Variants in CDH12 observed in about 807,000 individuals in gnomAD.
The protein encoded by CDH12 is cadherin 12.
In CDH12, 41 loss-of-function variants were observed where a neutral mutation model predicts 74.1. That is an observed-to-expected ratio of 0.55 (90% confidence interval 0.43 to 0.72). The LOEUF (loss-of-function observed/expected upper bound fraction) is 0.72, where lower values mean the gene tolerates loss of function less well. Ranked by LOEUF, CDH12 falls within the 30% of genes least tolerant of loss-of-function variation. CDH12 has a pLI of 0.00. For synonymous variants in CDH12, 399 were observed against 355.0 expected (o/e 1.12, Z -1.39); for missense variants, 945 against 977.2 (o/e 0.97, Z 0.44).
At chr5:21,872,820 ATCT>A (rs1478946135) in intron 6 of CDH12, among the ~76,000 whole-genome samples, 2 of 151,412 alleles carry the variant, frequency 1.3e-5, no homozygotes, top group Non-Finnish European at 2.9e-5. Context: ...CTATCTATCT[ATCT>A]ATCTATCTAT....
chr5:22,302,364 A>ATATAT (rs1737921832), intron 3 of CDH12, among the ~76,000 whole-genome samples: 6 of 152,168 alleles, frequency 3.9e-5, no homozygotes, highest in Admixed American at 2.6e-4. Flanking sequence ...ATGTATATAT[A>ATATAT]AGTGTGATAA....
At chr5:22,133,747 G>C (rs938884762) in intron 4 of CDH12, among the ~76,000 whole-genome samples, 1 of 152,008 alleles carries the variant, frequency 6.6e-6, no homozygotes, top group African/African-American at 2.4e-5. Context: ...ACATAATTAC[G>C]TGTACATATA....
At chr5:22,400,488 T>A (rs1742683300) in intron 3 of CDH12, among the ~76,000 whole-genome samples, 2 of 151,892 alleles carry the variant, frequency 1.3e-5, no homozygotes, top group African/African-American at 4.8e-5. Context: ...AGAAAGCAGG[T>A]TTCACCACGT....
At chr5:22,627,055 A>G (rs893221607) in intron 1 of CDH12, among the ~76,000 whole-genome samples, 8 of 152,308 alleles carry the variant, frequency 5.3e-5, no homozygotes, top group African/African-American at 1.9e-4. Context: ...AAAACGAACA[A>G]GAAAAACAAA....
At chr5:21,829,317 A>G (rs562897688) in intron 8 of CDH12, among the ~76,000 whole-genome samples, 22 of 152,108 alleles carry the variant, frequency 1.4e-4, no homozygotes, top group African/African-American at 5.3e-4. Flanking sequence ...AAAAACAAAA[A>G]CCAAAAACCA....
chr5:22,284,437 C>T (rs1473038787), intron 3 of CDH12, among the ~76,000 whole-genome samples: 1 of 152,118 alleles, frequency 6.6e-6, no homozygotes, highest in Non-Finnish European at 1.5e-5. Flanking sequence ...TCTAAGATCA[C>T]ATGCTTTTTG....
chr5:22,428,884 T>A (rs1262973130), intron 2 of CDH12, among the ~76,000 whole-genome samples: 2 of 152,184 alleles, frequency 1.3e-5, no homozygotes, highest in Non-Finnish European at 2.9e-5. Flanking sequence ...TGATTCCCGA[T>A]GACCTCAAAT....
chr5:22,043,659 T>C (rs1393657168), intron 5 of CDH12, among the ~76,000 whole-genome samples: 1 of 152,024 alleles, frequency 6.6e-6, no homozygotes, highest in Non-Finnish European at 1.5e-5. Flanking sequence ...CTGTCCCTGT[T>C]TGCAGATGAC....
chr5:21,757,176 A>G (rs967534351), intron 13 of CDH12, among the ~76,000 whole-genome samples: 3 of 151,880 alleles, frequency 2.0e-5, no homozygotes, highest in African/African-American at 7.3e-5. Context: ...GTTTATTTTC[A>G]ATTTATTTAT....
At chr5:22,509,728 A>G (rs191875263) in intron 1 of CDH12, among the ~76,000 whole-genome samples, 49 of 152,240 alleles carry the variant, frequency 3.2e-4, no homozygotes, top group East Asian at 3.1e-3. Flanking sequence ...AAACACAAAA[A>G]TCTTCTGTCC....
intron 8 of CDH12, among the ~76,000 whole-genome samples, chr5:21,838,780 A>G (rs1386905095): frequency 2.6e-5 from 4 of 152,158 alleles, no homozygotes; most frequent in African/African-American, 9.6e-5. Flanking sequence ...TTTCCTAAGC[A>G]TACTCTAGCT....
At chr5:22,710,058 T>G (rs2126972579) in intron 1 of CDH12, among the ~76,000 whole-genome samples, 1 of 152,204 alleles carries the variant, frequency 6.6e-6, no homozygotes, top group Admixed American at 6.5e-5. Context: ...TGAAACAAAA[T>G]CCTTGCTTTA....
At chr5:21,752,700 T>G (rs889912131) in intron 14 of CDH12, among the ~76,000 whole-genome samples, 1 of 151,526 alleles carries the variant, frequency 6.6e-6, no homozygotes, top group Non-Finnish European at 1.5e-5. Context: ...GTGACCATTA[T>G]TTTTAAAGGC....
intron 5 of CDH12, among the ~76,000 whole-genome samples, chr5:21,978,067 C>A (rs1211794034): frequency 6.6e-6 from 1 of 152,130 alleles, no homozygotes; most frequent in African/African-American, 2.4e-5. Flanking sequence ...ATTTCCTTTA[C>A]TTCAACTGTA....
At chr5:22,845,370 T>C (rs980390918) in intron 1 of CDH12, among the ~76,000 whole-genome samples, 6 of 152,108 alleles carry the variant, frequency 3.9e-5, no homozygotes, top group Admixed American at 6.6e-5. Context: ...TCCCTCAAGA[T>C]ATCCACTTTT....
At chr5:21,919,140 T>C (rs1282650250) in intron 6 of CDH12, among the ~76,000 whole-genome samples, 1 of 152,162 alleles carries the variant, frequency 6.6e-6, no homozygotes, top group Non-Finnish European at 1.5e-5. Flanking sequence ...ATTTACAAAT[T>C]TTAAAAAATG....
At chr5:22,177,585 T>C (rs1749411035) in intron 4 of CDH12, among the ~76,000 whole-genome samples, 1 of 152,056 alleles carries the variant, frequency 6.6e-6, no homozygotes, top group Non-Finnish European at 1.5e-5. Context: ...TATATAGCTT[T>C]GAAACTGATT....
chr5:22,400,977 A>G (rs1742705687), intron 3 of CDH12, among the ~76,000 whole-genome samples: 1 of 152,296 alleles, frequency 6.6e-6, no homozygotes, highest in Middle Eastern at 3.4e-3. Flanking sequence ...CGTGGAGAAG[A>G]GCATCACATT....
intron 1 of CDH12, among the ~76,000 whole-genome samples, chr5:22,607,118 A>G (rs1240477936): frequency 6.6e-6 from 1 of 152,176 alleles, no homozygotes; most frequent in Admixed American, 6.5e-5. Context: ...TTCAAGAGGA[A>G]GAAGAGCATA....
Sources: allele counts gnomAD v4.1 joint callset (sites outside exome capture counted in the v4.1 genomes callset), GRCh38; gene constraint gnomAD v4.1.1; transcripts MANE v1.5; gene names NCBI Gene and HGNC (gene_info 2026-07-23, HGNC 2026-07-21).